TEAD1: variants seen among roughly 807,000 people sequenced by gnomAD.
The protein encoded by TEAD1 is transcriptional enhancer factor TEF-1.
In TEAD1, 9 loss-of-function variants were observed where a neutral mutation model predicts 54.9. The observed-to-expected ratio is 0.16, with a 90% CI of 0.10 to 0.29. The LOEUF (loss-of-function observed/expected upper bound fraction) is 0.29, where lower values mean the gene tolerates loss of function less well. Among genes scored for constraint, TEAD1 ranks in the 10% least tolerant of loss-of-function variants. The probability of loss-of-function intolerance (pLI) is 1.00; values close to 1 mark genes in which losing one functional copy is unlikely to be tolerated. For synonymous variants in TEAD1, 200 were observed against 187.8 expected (o/e 1.07, Z -0.53); for missense variants, 387 against 535.9 (o/e 0.72, Z 2.74).
At chr11:12,723,972 CTT>C (rs369812851) in intron 2 of TEAD1, among the ~76,000 whole-genome samples, 289 of 152,298 alleles carry the variant, frequency 1.9e-3, no homozygotes, top group African/African-American at 6.6e-3. Flanking sequence ...ATGACAAACT[CTT>C]TTACTCTCCT....
chr11:12,729,451 G>T (rs968036200), intron 2 of TEAD1, among the ~76,000 whole-genome samples: 1 of 152,244 alleles, frequency 6.6e-6, no homozygotes, highest in Admixed American at 6.5e-5. Flanking sequence ...AGTAGCAGGG[G>T]TCTGTTAGGG....
intron 2 of TEAD1, among the ~76,000 whole-genome samples, chr11:12,709,540 G>T (rs1375173308): frequency 6.6e-6 from 1 of 151,986 alleles, no homozygotes; most frequent in African/African-American, 2.4e-5. Context: ...TTATTTTAGA[G>T]ATGAGGGTCT....
intron 9 of TEAD1, among the ~76,000 whole-genome samples, chr11:12,894,993 G>A (rs999079521): frequency 1.3e-5 from 2 of 152,168 alleles, no homozygotes; most frequent in African/African-American, 4.8e-5. Flanking sequence ...CTGCAGCAGA[G>A]AGAGAGGGCT....
intron 2 of TEAD1, among the ~76,000 whole-genome samples, chr11:12,711,077 C>A (rs1590073367): frequency 1.3e-5 from 2 of 152,046 alleles, no homozygotes; most frequent in Admixed American, 1.3e-4. Context: ...GACTGGCTGG[C>A]CTGCTGGACT....
At chr11:12,865,042 T>A in intron 5 of TEAD1, 142 bp downstream of exon 5, 1 of 940,922 alleles carries the variant, frequency 1.1e-6, no homozygotes, top group Non-Finnish European at 1.7e-6. Flanking sequence ...TCTTTGTGTT[T>A]AATCTCTCTG....
chr11:12,851,228 C>A, intron 3 of TEAD1: 1 of 361,606 alleles, frequency 2.8e-6, no homozygotes, highest in Non-Finnish European at 3.8e-6. Flanking sequence ...ACAGAGGATA[C>A]TAAGAACCAG....
In TEAD1 at chr11:12,821,961, C is replaced by CTTTTTTTTTTTTTTTTTTTTTTTTTTTTT. The variant is rs10700151; in HGVS notation, c.203-40269_203-40268insTTTTTTTTTTTTTTTTTTTTTTTTTTTTT. Among the ~76,000 whole-genome samples the CTTTTTTTTTTTTTTTTTTTTTTTTTTTTT allele has an allele frequency of 2.4e-4, 16 of 68,068 alleles. 4 individuals carry two copies. Among genetic ancestry groups the CTTTTTTTTTTTTTTTTTTTTTTTTTTTTT allele is most frequent in the African/African-American group, 3.8e-4 (6 of 15,844 alleles). The allele number at this position is 68,068 out of a possible 152,430, so 44.7% of individuals were successfully genotyped here. ...TACTCTCTCTCCTTTTTCTCTTTTC[C>CTTTTTTTTTTTTTTTTTTTTTTTTTTTTT]TTTTTTTTTTTTTTTTTTTTGAGAC... On this transcript the variant is annotated intron_variant, in intron 3 of 12. Transcript: ENST00000527636.
chr11:12,774,604 T>A (rs1168943053), intron 3 of TEAD1, among the ~76,000 whole-genome samples: 2 of 152,178 alleles, frequency 1.3e-5, no homozygotes, highest in Non-Finnish European at 2.9e-5. Flanking sequence ...TAGTTATAGT[T>A]ACATGGGCCA....
In TEAD1 at chr11:12,691,210, T is replaced by C. The variant is rs1019102425; in HGVS notation, c.-55+15649T>C. Among the ~76,000 whole-genome samples the C allele has an allele frequency of 3.3e-5, 5 of 152,238 alleles. No homozygotes were observed. In the South Asian group the frequency reaches 6.2e-4, roughly 19 times the overall value. On this transcript the variant is annotated intron_variant, in intron 2 of 12. Transcript: ENST00000527636. ...TTTCAGTCCATTGCAGTTCCTCCTC[T>C]TACTGATGCTCAAATTGTTTCATCT...
At chr11:12,927,308 A>T (rs1444733091) in intron 11 of TEAD1, among the ~76,000 whole-genome samples, 1 of 152,150 alleles carries the variant, frequency 6.6e-6, no homozygotes, top group African/African-American at 2.4e-5. Context: ...TTATGAAATG[A>T]TTCATTCTTT....
At chr11:12,785,199 G>A (rs1945653105) in intron 3 of TEAD1, among the ~76,000 whole-genome samples, 1 of 152,196 alleles carries the variant, frequency 6.6e-6, no homozygotes, top group South Asian at 2.1e-4. Context: ...AGTGGGGGTA[G>A]GAGAGTAGGA....
intron 2 of TEAD1, among the ~76,000 whole-genome samples, chr11:12,704,763 G>T (rs2133843294): frequency 6.6e-6 from 1 of 152,312 alleles, no homozygotes; most frequent in African/African-American, 2.4e-5. Flanking sequence ...ACAAGTCAAA[G>T]GATTGGGATG....
intron 2 of TEAD1, among the ~76,000 whole-genome samples, chr11:12,699,622 T>C (rs1282904097): frequency 1.3e-5 from 2 of 152,212 alleles, no homozygotes; most frequent in African/African-American, 4.8e-5. Flanking sequence ...TCAATAAAAC[T>C]AGTGTATCTG....
At chr11:12,911,978 G>C (rs1035398936) in intron 10 of TEAD1, among the ~76,000 whole-genome samples, 1 of 151,920 alleles carries the variant, frequency 6.6e-6, no homozygotes, top group African/African-American at 2.4e-5. Flanking sequence ...AAGTTACCTG[G>C]AAAGTTATTT....
chr11:12,937,355 C>A lies in TEAD1; in HGVS notation c.*133C>A. The A allele has an allele frequency of 1.5e-6, 1 of 678,654 alleles. No homozygotes were observed. The highest frequency in any genetic ancestry group is 2.6e-6 in the Non-Finnish European group (1 of 391,818). 42.0% of individuals were successfully genotyped at this position (678,654 alleles called of 1,614,324 possible). The stretch of plus-strand genomic sequence containing the variant: ...GGTGGTGCCCTGGCCCCGAGGTCAC[C>A]CCGACTTTTCTAAATCTTGTTTGAG... On this transcript the variant is annotated 3_prime_UTR_variant, in exon 13 of 13. Coordinates refer to ENST00000527636, the MANE Select transcript of TEAD1 (RefSeq NM_021961.6).
At chr11:12,841,900 C>T (rs1947048469) in intron 3 of TEAD1, among the ~76,000 whole-genome samples, 2 of 152,092 alleles carry the variant, frequency 1.3e-5, no homozygotes, top group Admixed American at 6.5e-5. Flanking sequence ...CACACTTACC[C>T]GTTCATATGA....
chr11:12,781,719 G>A (rs1945548842), intron 3 of TEAD1, among the ~76,000 whole-genome samples: 1 of 151,134 alleles, frequency 6.6e-6, no homozygotes, highest in Non-Finnish European at 1.5e-5. Context: ...GGTCACTGGT[G>A]GGTTTATAAA....
At chr11:12,729,737 C>G (rs1330692586) in intron 2 of TEAD1, among the ~76,000 whole-genome samples, 2 of 152,166 alleles carry the variant, frequency 1.3e-5, no homozygotes, top group Non-Finnish European at 2.9e-5. Context: ...TGTCTGCTTC[C>G]AACCCTGTGT....
At chr11:12,873,806 G>T (rs953838923) in intron 5 of TEAD1, among the ~76,000 whole-genome samples, 8 of 152,198 alleles carry the variant, frequency 5.3e-5, no homozygotes, top group Admixed American at 3.9e-4. Flanking sequence ...AATTGCAGAG[G>T]TCATGTGGAG....
Sources: gnomAD v4.1 joint callset for allele counts (sites outside exome capture counted in the v4.1 genomes callset) on GRCh38, gnomAD v4.1.1 for gene constraint, MANE v1.5 for transcripts, NCBI Gene and HGNC (gene_info 2026-07-23, HGNC 2026-07-21) for gene names.